CRPPA: variants seen among roughly 807,000 people sequenced by gnomAD.
CRPPA encodes the protein D-ribitol-5-phosphate cytidylyltransferase.
CRPPA carries 43 observed loss-of-function variants against 52.0 expected under a neutral mutation model. That is an observed-to-expected ratio of 0.83 (90% CI 0.65 to 1.07). CRPPA has a LOEUF of 1.07. Among genes scored for constraint, CRPPA ranks in the 50% least tolerant of loss-of-function variants. The pLI, the probability that CRPPA is intolerant of heterozygous loss-of-function variation, is 0.00. For synonymous variants in CRPPA, 250 were observed against 203.5 expected (o/e 1.23, Z -1.94); for missense variants, 629 against 551.7 (o/e 1.14, Z -1.40).
At chr7:16,190,621 AT>A (rs1003214905) in intron 9 of CRPPA, among the ~76,000 whole-genome samples, 3 of 151,908 alleles carry the variant, frequency 2.0e-5, no homozygotes, top group African/African-American at 7.2e-5. Context: ...GGAACTAGTA[AT>A]TTTTTTTCAA....
At chr7:16,292,011 T>C (rs1049875096) in intron 5 of CRPPA, among the ~76,000 whole-genome samples, 1 of 151,912 alleles carries the variant, frequency 6.6e-6, no homozygotes, top group South Asian at 2.1e-4. Context: ...ACGGTGGAAA[T>C]GTACTTGTTA....
intron 8 of CRPPA, among the ~76,000 whole-genome samples, chr7:16,217,135 T>TGACCCCC (rs1453466441): frequency 6.8e-6 from 1 of 147,636 alleles, no homozygotes; most frequent in Admixed American, 6.8e-5. Context: ...CCCTGACCCC[T>TGACCCCC]GACCCCCGAG....
intron 6 of CRPPA, among the ~76,000 whole-genome samples, chr7:16,261,516 A>T (rs1483443803): frequency 6.6e-6 from 1 of 151,924 alleles, no homozygotes; most frequent in Non-Finnish European, 1.5e-5. Context: ...ACTTAACAAA[A>T]TTTTCCCCAA....
chr7:16,229,329 C>G (rs1002648852), intron 8 of CRPPA, among the ~76,000 whole-genome samples: 7 of 152,050 alleles, frequency 4.6e-5, no homozygotes, highest in African/African-American at 1.7e-4. Flanking sequence ...GCATTGTTTT[C>G]TAGTTGTTTT....
chr7:16,249,654 A>C (rs983990170), intron 8 of CRPPA, among the ~76,000 whole-genome samples: 1 of 152,216 alleles, frequency 6.6e-6, no homozygotes, highest in Non-Finnish European at 1.5e-5. Context: ...TGTTAGAAGG[A>C]AAACTAACAA....
intron 8 of CRPPA, among the ~76,000 whole-genome samples, chr7:16,252,838 G>T (rs1783498692): frequency 6.6e-6 from 1 of 152,136 alleles, no homozygotes; most frequent in African/African-American, 2.4e-5. Flanking sequence ...CCTTGGGAGG[G>T]TGTATGTGTT....
At chr7:16,281,486 T>G (rs10282434) in intron 5 of CRPPA, among the ~76,000 whole-genome samples, 102,394 of 152,034 alleles carry the variant, frequency 0.67, 34,897 homozygotes, top group East Asian at 0.75. Flanking sequence ...TTCTTTCCAA[T>G]CTATAATTTT....
At chr7:16,326,501 T>A (rs1785393418) in intron 3 of CRPPA, among the ~76,000 whole-genome samples, 1 of 152,162 alleles carries the variant, frequency 6.6e-6, no homozygotes, top group South Asian at 2.1e-4. Context: ...TTAATAACCA[T>A]CAAGTTCATT....
intron 8 of CRPPA, among the ~76,000 whole-genome samples, chr7:16,224,036 A>G (rs1782588496): frequency 6.6e-6 from 1 of 152,166 alleles, no homozygotes; most frequent in Non-Finnish European, 1.5e-5. Flanking sequence ...AAGAATATCT[A>G]ATTTCATTTT....
At chr7:16,342,824 T>TATAGATAC (rs1322158180) in intron 3 of CRPPA, among the ~76,000 whole-genome samples, 1 of 121,586 alleles carries the variant, frequency 8.2e-6, no homozygotes, top group East Asian at 2.1e-4. Context: ...GATATACATA[T>TATAGATAC]ATAGATATAT....
intron 3 of CRPPA, among the ~76,000 whole-genome samples, chr7:16,316,960 T>C (rs1012912343): frequency 9.9e-5 from 15 of 152,192 alleles, no homozygotes; most frequent in Admixed American, 9.8e-4. Context: ...CTGGCTACCA[T>C]CGTGATAAAC....
intron 6 of CRPPA, among the ~76,000 whole-genome samples, chr7:16,272,413 T>C (rs1784110705): frequency 1.3e-5 from 2 of 152,144 alleles, no homozygotes. Flanking sequence ...AAGGAAAACA[T>C]TTTTTCTTTT....
At position 16,419,424 on chromosome 7, in the gene CRPPA, A is replaced by T. The variant is rs1234907721; in HGVS notation, c.257+1642T>A. ...AGTTTATGGTTTGACTCTGGAACAAAATTGATAATAGCCCTTTCCCAAAAA... is the reference window on the plus strand; with the variant it reads ...AGTTTATGGTTTGACTCTGGAACAATATTGATAATAGCCCTTTCCCAAAAA... On this transcript the variant is annotated intron_variant, in intron 1 of 9. Coordinates refer to ENST00000407010, the MANE Select transcript of CRPPA (RefSeq NM_001101426.4). 3.3e-5 allele frequency among the ~76,000 whole-genome samples: 5 copies of T among 152,186 alleles called. No individual in the cohort carries two copies. The East Asian group carries it at 9.6e-4, about 29-fold the overall frequency.
chr7:16,351,308 T>C (rs1426625744), intron 3 of CRPPA, among the ~76,000 whole-genome samples: 2 of 152,120 alleles, frequency 1.3e-5, no homozygotes. Context: ...ATAAAAACCC[T>C]AGAGGAAAAC....
At chr7:16,411,392 T>C (rs1213651712) in intron 1 of CRPPA, among the ~76,000 whole-genome samples, 3 of 152,264 alleles carry the variant, frequency 2.0e-5, no homozygotes, top group Non-Finnish European at 2.9e-5. Flanking sequence ...TTTTGGATCA[T>C]TGCATCTACA....
At chr7:16,326,432 C>G (rs1199736154) in intron 3 of CRPPA, among the ~76,000 whole-genome samples, 1 of 152,136 alleles carries the variant, frequency 6.6e-6, no homozygotes, top group African/African-American at 2.4e-5. Flanking sequence ...GATCATCTGT[C>G]CTACAAAGCC....
intron 9 of CRPPA, among the ~76,000 whole-genome samples, chr7:16,193,533 T>C (rs1781659939): frequency 6.6e-6 from 1 of 152,118 alleles, no homozygotes; most frequent in African/African-American, 2.4e-5. Flanking sequence ...CTCAGTCTCC[T>C]GTAGTTTAAA....
chr7:16,200,136 G>C (rs150365356), intron 9 of CRPPA, among the ~76,000 whole-genome samples: 2 of 152,270 alleles, frequency 1.3e-5, no homozygotes, highest in East Asian at 3.9e-4. Context: ...GGAATTAAAG[G>C]CGTAAGCCAC....
intron 8 of CRPPA, among the ~76,000 whole-genome samples, chr7:16,224,229 A>T (rs1226222833): frequency 1.3e-5 from 2 of 152,126 alleles, no homozygotes; most frequent in Non-Finnish European, 1.5e-5. Context: ...TCTAGAATTC[A>T]TTTAATATAT....
Sources: allele counts gnomAD v4.1 joint callset (sites outside exome capture counted in the v4.1 genomes callset), GRCh38; gene constraint gnomAD v4.1.1; transcripts MANE v1.5; gene names NCBI Gene and HGNC (gene_info 2026-07-23, HGNC 2026-07-21).